Variants in NALCN observed in about 807,000 individuals in gnomAD.
The protein encoded by NALCN is sodium leak channel NALCN.
NALCN carries 111 observed loss-of-function variants against 225.3 expected under a neutral mutation model. The ratio of observed to expected loss-of-function variants is 0.49; its 90% CI spans 0.42 to 0.58. The LOEUF (loss-of-function observed/expected upper bound fraction) is 0.58. Among genes scored for constraint, NALCN ranks in the 20% least tolerant of loss-of-function variants. NALCN has a pLI of 0.00. For missense variants in NALCN, 1,378 were observed against 2,202.4 expected (o/e 0.63, Z 7.49); for synonymous variants, 764 against 769.0 (o/e 0.99, Z 0.11).
At chr13:101,191,377 T>C (rs1218769173) in intron 14 of NALCN, among the ~76,000 whole-genome samples, 1 of 152,016 alleles carries the variant, frequency 6.6e-6, no homozygotes, top group Non-Finnish European at 1.5e-5. Flanking sequence ...GGTATTCAGT[T>C]TTCTTGTGCT....
intron 2 of NALCN, 123 bp from the exon 3 acceptor site, chr13:101,395,488 A>G: frequency 2.4e-6 from 2 of 847,288 alleles, no homozygotes; most frequent in Admixed American, 3.4e-5. Flanking sequence ...GTGGAGGTGA[A>G]GAAGAAGAAA....
intron 12 of NALCN, among the ~76,000 whole-genome samples, chr13:101,231,160 T>C (rs746054271): frequency 6.6e-6 from 1 of 152,078 alleles, no homozygotes; most frequent in Non-Finnish European, 1.5e-5. Context: ...TTTCTCAAAA[T>C]GTATCTCTGC....
At chr13:101,100,722 G>T (rs889375921) in intron 27 of NALCN, 62 bp downstream of exon 27, 1 of 1,376,974 alleles carries the variant, frequency 7.3e-7, no homozygotes, top group East Asian at 2.4e-5. Flanking sequence ...TAGGATTGTA[G>T]GCACATGCCA....
At position 101,089,635 on chromosome 13, in the gene NALCN, C is replaced by T. The variant is rs781727719; in HGVS notation, c.3489+28G>A. 7.5e-6 allele frequency: 12 copies of T among 1,603,604 alleles called. No homozygotes were observed. The highest frequency in any genetic ancestry group is 1.7e-6 in the Non-Finnish European group (2 of 1,172,414). ...GTGAGTGGCTAGAAAAGGCTAAACCCTGTGGTATCCAAACCAAAAATCCTT... is the reference window on the plus strand; with the variant it reads ...GTGAGTGGCTAGAAAAGGCTAAACCTTGTGGTATCCAAACCAAAAATCCTT... On this transcript the variant is annotated intron_variant, in intron 30 of 43. Coordinates refer to ENST00000251127, the MANE Select transcript of NALCN (RefSeq NM_052867.4). This position sits in a 1 kb window ranked among gnomAD's most constrained non-coding sequence, Gnocchi z 4.7.
At chr13:101,286,046 C>G (rs372730306) in intron 9 of NALCN, among the ~76,000 whole-genome samples, 1 of 152,106 alleles carries the variant, frequency 6.6e-6, no homozygotes, top group Non-Finnish European at 1.5e-5. Flanking sequence ...CCCAAGGTCA[C>G]TTATTTGTAT....
At chr13:101,178,485 C>T (rs2039056115) in intron 14 of NALCN, among the ~76,000 whole-genome samples, 1 of 152,130 alleles carries the variant, frequency 6.6e-6, no homozygotes, top group Admixed American at 6.5e-5. Flanking sequence ...GCCAAATAAG[C>T]TTCTCACCAG....
At chr13:101,082,751 T>G in intron 33 of NALCN, 58 bp downstream of exon 33, 2 of 1,560,122 alleles carry the variant, frequency 1.3e-6, no homozygotes, top group Non-Finnish European at 1.8e-6. Flanking sequence ...AGAGGGAGGC[T>G]GATTTACTTT....
intron 14 of NALCN, among the ~76,000 whole-genome samples, chr13:101,180,022 G>T (rs189109207): frequency 6.6e-6 from 1 of 151,928 alleles, no homozygotes; most frequent in African/African-American, 2.4e-5. Context: ...TTACAAGGAC[G>T]CTTGTCATTG....
chr13:101,363,953 T>C (rs1408767208), intron 6 of NALCN, among the ~76,000 whole-genome samples: 1 of 151,998 alleles, frequency 6.6e-6, no homozygotes, highest in Non-Finnish European at 1.5e-5. Context: ...AAAGAAGACA[T>C]ACAAATGGCA....
chr13:101,342,478 C>T (rs1405708150), intron 7 of NALCN, among the ~76,000 whole-genome samples: 1 of 152,202 alleles, frequency 6.6e-6, no homozygotes, highest in African/African-American at 2.4e-5. Context: ...TGTGATGCTG[C>T]ATGGGGTCCT....
chr13:101,055,608 T>A, intron 43 of NALCN, 120 bp from the exon 44 acceptor site: 8 of 745,222 alleles, frequency 1.1e-5, no homozygotes, highest in Non-Finnish European at 1.5e-5. Context: ...TAGCCACAGA[T>A]GCTAAGTAAA....
chr13:101,203,067 T>C (rs1448409944), intron 13 of NALCN, among the ~76,000 whole-genome samples: 3 of 152,340 alleles, frequency 2.0e-5, no homozygotes, highest in African/African-American at 7.2e-5. Flanking sequence ...AAGATTGTTT[T>C]GAAAATCAAA....
intron 10 of NALCN, among the ~76,000 whole-genome samples, chr13:101,269,961 C>T (rs566815330): frequency 1.3e-5 from 2 of 152,250 alleles, no homozygotes; most frequent in South Asian, 4.1e-4. Context: ...AATATTAGTC[C>T]TTCCACAATA....
intron 11 of NALCN, among the ~76,000 whole-genome samples, chr13:101,253,868 A>G (rs2140200296): frequency 7.3e-6 from 1 of 136,464 alleles, no homozygotes; most frequent in South Asian, 2.4e-4. Context: ...TCTGCAAGAA[A>G]GAGTTTGCCA....
chr13:101,398,778 C>G (rs1355144233), intron 2 of NALCN, among the ~76,000 whole-genome samples: 1 of 152,106 alleles, frequency 6.6e-6, no homozygotes, highest in Non-Finnish European at 1.5e-5. Context: ...ACTCTGAGGA[C>G]AGGGTGCACA....
At chr13:101,307,498 G>A (rs968138198) in intron 7 of NALCN, among the ~76,000 whole-genome samples, 4 of 152,258 alleles carry the variant, frequency 2.6e-5, no homozygotes, top group Non-Finnish European at 4.4e-5. Flanking sequence ...TGTCTGGAGC[G>A]GCATTCCAAT....
At chr13:101,341,894 T>G (rs999202613) in intron 7 of NALCN, among the ~76,000 whole-genome samples, 3 of 152,160 alleles carry the variant, frequency 2.0e-5, no homozygotes, top group African/African-American at 4.8e-5. Context: ...TTAGTAACCT[T>G]ATGAAGGAGG....
At chr13:101,408,320 C>G (rs138754413) in intron 1 of NALCN, among the ~76,000 whole-genome samples, 3,463 of 152,258 alleles carry the variant, frequency 0.023, 61 homozygotes, top group South Asian at 0.045. Flanking sequence ...CTCTCCTCCG[C>G]GTATCCTTAG....
At chr13:101,257,767 A>C (rs1380606346) in intron 11 of NALCN, among the ~76,000 whole-genome samples, 1 of 152,222 alleles carries the variant, frequency 6.6e-6, no homozygotes, top group Non-Finnish European at 1.5e-5. Flanking sequence ...TTTACATTAA[A>C]AAAACAAAGA....
Sources: gnomAD v4.1 joint callset for allele counts (sites outside exome capture counted in the v4.1 genomes callset) on GRCh38, gnomAD v4.1.1 for gene constraint, Gnocchi (gnomAD v3.1) non-coding constraint, MANE v1.5 for transcripts, NCBI Gene and HGNC (gene_info 2026-07-23, HGNC 2026-07-21) for gene names.